The following DPYD variants were observed in gnomAD, a reference collection of about 807,000 sequenced individuals.
DPYD encodes the protein dihydropyrimidine dehydrogenase [NADP(+)].
DPYD carries 109 observed loss-of-function variants against 116.2 expected under a neutral mutation model. The observed-to-expected ratio is 0.94, with a 90% CI of 0.80 to 1.10. The LOEUF is 1.10. DPYD is among the 50% of genes least tolerant of loss of function. The pLI, the probability that DPYD is intolerant of heterozygous loss-of-function variation, is 0.00. For synonymous variants in DPYD, 440 were observed against 432.0 expected (o/e 1.02, Z -0.23); for missense variants, 1,302 against 1,254.5 (o/e 1.04, Z -0.57).
chr1:97,751,394 A>G (rs1039315360), intron 3 of DPYD, among the ~76,000 whole-genome samples: 1 of 141,958 alleles, frequency 7.0e-6, no homozygotes, highest in African/African-American at 2.6e-5. Flanking sequence ...ATATGTGTGT[A>G]TATATACATA....
At position 97,711,673 on chromosome 1, in the gene DPYD, A is replaced by T. The variant is rs191552359; in HGVS notation, c.483+9837T>A. ...TAAATCAATCCAATAAACTTTATAC[A>T]AATAAACCTTACAAATTTTGAGTAA... On this transcript the variant is annotated intron_variant, in intron 5 of 22. Transcript: ENST00000370192. Among the ~76,000 whole-genome samples, 5 of 152,148 alleles carry T rather than the reference A, an allele frequency of 3.3e-5. No individual in the cohort carries two copies. In the East Asian group the frequency reaches 9.6e-4, roughly 29 times the overall value.
chr1:97,643,969 A>G (rs1033172602), intron 8 of DPYD, among the ~76,000 whole-genome samples: 1 of 152,088 alleles, frequency 6.6e-6, no homozygotes, highest in African/African-American at 2.4e-5. Flanking sequence ...GCATTAGGAG[A>G]AATACCTAAT....
intron 3 of DPYD, among the ~76,000 whole-genome samples, chr1:97,794,210 T>C (rs2101288413): frequency 6.6e-6 from 1 of 152,196 alleles, no homozygotes; most frequent in Middle Eastern, 3.4e-3. Context: ...AATTTTGGGA[T>C]TACAGGCATA....
At chr1:97,751,482 A>ATATATG (rs1557933347) in intron 3 of DPYD, among the ~76,000 whole-genome samples, 8 of 126,582 alleles carry the variant, frequency 6.3e-5, no homozygotes, top group Middle Eastern at 3.8e-3. Context: ...ATATATATAT[A>ATATATG]TATATATATA....
At chr1:97,822,518 A>G (rs1669004295) in intron 3 of DPYD, among the ~76,000 whole-genome samples, 1 of 151,588 alleles carries the variant, frequency 6.6e-6, no homozygotes, top group Non-Finnish European at 1.5e-5. Flanking sequence ...GTTATATTCC[A>G]TAATTTGAGT....
In DPYD at chr1:97,749,961, A is replaced by G. The variant is rs1430844755; in HGVS notation, c.234-9482T>C. Among the ~76,000 whole-genome samples, 3 of 152,136 alleles carry G rather than the reference A, an allele frequency of 2.0e-5. No homozygotes were observed. In the East Asian group the frequency reaches 5.8e-4, roughly 29 times the overall value. On this transcript the variant is annotated intron_variant, in intron 3 of 22. Transcript: ENST00000370192. ...TCATAAACTCTTTGATTTATATCAA[A>G]TAATTATTCCAGGCTTCATAGAAAA...
At chr1:97,651,793 A>G (rs1658598027) in intron 8 of DPYD, among the ~76,000 whole-genome samples, 1 of 152,186 alleles carries the variant, frequency 6.6e-6, no homozygotes. Flanking sequence ...AAAATTAGGT[A>G]CACAATAATA....
chr1:97,371,678 G>C (rs952023477), intron 16 of DPYD, among the ~76,000 whole-genome samples: 1 of 152,078 alleles, frequency 6.6e-6, no homozygotes, highest in African/African-American at 2.4e-5. Context: ...TGTGTCCTCA[G>C]GCAGAGAAAT....
At chr1:97,260,343 CT>C (rs1195377307) in intron 18 of DPYD, among the ~76,000 whole-genome samples, 2 of 151,852 alleles carry the variant, frequency 1.3e-5, no homozygotes, top group Non-Finnish European at 2.9e-5. Context: ...ATTTCTGTAT[CT>C]TTTTTGGTAA....
chr1:97,267,421 A>G (rs145506883), intron 18 of DPYD, among the ~76,000 whole-genome samples: 4 of 152,250 alleles, frequency 2.6e-5, no homozygotes, highest in Admixed American at 2.6e-4. Flanking sequence ...CATTTCTTAC[A>G]GTTTCAGATT....
chr1:97,618,461 C>T (rs564422387), intron 8 of DPYD, among the ~76,000 whole-genome samples: 69 of 151,214 alleles, frequency 4.6e-4, no homozygotes, highest in African/African-American at 1.5e-3. Context: ...CTGCAACCTC[C>T]GCCTCCCGGG....
intron 2 of DPYD, chr1:97,856,300 A>T (rs369893235): frequency 3.9e-4 from 59 of 152,322 alleles, no homozygotes; most frequent in African/African-American, 1.3e-3. Context: ...TCCTATTTAG[A>T]CTGTGTTTAC....
At chr1:97,311,618 A>G (rs759881356) in intron 16 of DPYD, among the ~76,000 whole-genome samples, 2 of 151,746 alleles carry the variant, frequency 1.3e-5, no homozygotes, top group Non-Finnish European at 2.9e-5. Flanking sequence ...ATGTCCTTTT[A>G]AAGATGCAAA....
chr1:97,549,584 A>C lies in DPYD; in HGVS notation c.1500T>G (p.Ser500=). 1 of 1,613,870 alleles carries C rather than the reference A, an allele frequency of 6.2e-7. No individual in the cohort carries two copies. The highest frequency in any genetic ancestry group is 1.1e-5 in the South Asian group (1 of 91,084). ...VESVNDGKQA[S]WYIHKYVQSQ... is the part of the protein sequence containing the mutation. ...CCTGTACGTATTTGTGAATGTACCA[A>C]GAAGCTTGCTTTCCATCATTCACCG... The change falls in exon 12 of 23, where the codon TCT becomes TCG. Residue 500 remains serine, a synonymous_variant. Transcript: ENST00000370192.
intron 20 of DPYD, among the ~76,000 whole-genome samples, chr1:97,117,060 A>T (rs544708215): frequency 1.3e-5 from 2 of 151,746 alleles, no homozygotes; most frequent in African/African-American, 2.4e-5. Flanking sequence ...GCTACTCAGG[A>T]GGCTGAGGTA....
chr1:97,289,735 T>C (rs1212411321), intron 18 of DPYD, among the ~76,000 whole-genome samples: 2 of 152,090 alleles, frequency 1.3e-5, no homozygotes, highest in Non-Finnish European at 2.9e-5. Context: ...AATATCATAC[T>C]GAATGGGCAA....
chr1:97,796,489 T>C (rs998206721), intron 3 of DPYD, among the ~76,000 whole-genome samples: 2 of 152,120 alleles, frequency 1.3e-5, no homozygotes, highest in African/African-American at 4.8e-5. Context: ...AACATCCTAA[T>C]TATGCCCATG....
At chr1:97,724,105 C>G (rs1663074446) in intron 4 of DPYD, among the ~76,000 whole-genome samples, 1 of 151,480 alleles carries the variant, frequency 6.6e-6, no homozygotes, top group African/African-American at 2.4e-5. Flanking sequence ...ATGACAAAAG[C>G]TATCAACAAA....
intron 21 of DPYD, among the ~76,000 whole-genome samples, chr1:97,094,776 A>G (rs1397865517): frequency 6.6e-6 from 1 of 152,132 alleles, no homozygotes; most frequent in African/African-American, 2.4e-5. Flanking sequence ...GATTTATCAT[A>G]AAGGAAGATT....
Sources: gnomAD v4.1 joint callset for allele counts (sites outside exome capture counted in the v4.1 genomes callset) on GRCh38, gnomAD v4.1.1 for gene constraint, MANE v1.5 for transcripts, NCBI Gene and HGNC (gene_info 2026-07-23, HGNC 2026-07-21) for gene names.